Variants in SNTG2 observed in about 807,000 individuals in gnomAD.
SNTG2 encodes gamma-2-syntrophin.
In SNTG2, 74 loss-of-function variants were observed where a neutral mutation model predicts 70.9. The ratio of observed to expected loss-of-function variants is 1.04; its 90% CI spans 0.86 to 1.27. SNTG2 has a LOEUF of 1.27. Ranked by LOEUF, SNTG2 falls within the 50% of genes most tolerant of loss-of-function variation. The pLI is 0.00. For synonymous variants in SNTG2, 278 were observed against 273.8 expected (o/e 1.02, Z -0.15); for missense variants, 717 against 690.7 (o/e 1.04, Z -0.43).
intron 14 of SNTG2, among the ~76,000 whole-genome samples, chr2:1,307,435 C>CTGTGTG (rs35500323): frequency 7.5e-4 from 104 of 138,704 alleles, no homozygotes; most frequent in African/African-American, 2.7e-3. Flanking sequence ...GAGCCGTGTA[C>CTGTGTG]TGTGTGTGTG....
intron 16 of SNTG2, among the ~76,000 whole-genome samples, chr2:1,342,017 A>T (rs911368242): frequency 4.6e-5 from 7 of 151,794 alleles, no homozygotes; most frequent in African/African-American, 1.7e-4. Flanking sequence ...AGCCTGTTTT[A>T]TTTTCTTTTA....
chr2:1,187,567 A>G (rs904085488), intron 8 of SNTG2, among the ~76,000 whole-genome samples: 6 of 152,136 alleles, frequency 3.9e-5, no homozygotes, highest in African/African-American at 9.7e-5. Flanking sequence ...TTATCTCTCT[A>G]CACACACAAA....
intron 1 of SNTG2, among the ~76,000 whole-genome samples, chr2:985,926 A>C (rs1661298039): frequency 1.3e-5 from 2 of 152,162 alleles, no homozygotes; most frequent in Admixed American, 6.6e-5. Flanking sequence ...TGTGGAAGAA[A>C]AGTACTGTGT....
intron 2 of SNTG2, among the ~76,000 whole-genome samples, chr2:1,095,581 A>G (rs937399231): frequency 3.3e-5 from 5 of 152,010 alleles, no homozygotes; most frequent in Admixed American, 1.3e-4. Flanking sequence ...CAGTTTCTTG[A>G]TATTTTCTTT....
At chr2:1,208,249 GT>G (rs1673781429) in intron 8 of SNTG2, among the ~76,000 whole-genome samples, 1 of 151,666 alleles carries the variant, frequency 6.6e-6, no homozygotes, top group Non-Finnish European at 1.5e-5. Flanking sequence ...GGGCACACCT[GT>G]GAGTGTGAGG....
intron 14 of SNTG2, among the ~76,000 whole-genome samples, chr2:1,291,367 T>C (rs942112891): frequency 1.3e-5 from 2 of 152,206 alleles, no homozygotes; most frequent in African/African-American, 2.4e-5. Flanking sequence ...TTATTCTGTT[T>C]GTCTATTTTT....
chr2:995,391 C>CTTT (rs1436882101), intron 1 of SNTG2, among the ~76,000 whole-genome samples: 3 of 151,952 alleles, frequency 2.0e-5, no homozygotes, highest in East Asian at 3.9e-4. Flanking sequence ...GATGTTAAAC[C>CTTT]AACCTTGAAT....
intron 1 of SNTG2, among the ~76,000 whole-genome samples, chr2:998,581 C>T (rs1056764642): frequency 5.9e-5 from 9 of 151,594 alleles, no homozygotes; most frequent in Admixed American, 2.6e-4. Context: ...GAAGATCAGT[C>T]TTTCAAATTA....
intron 1 of SNTG2, among the ~76,000 whole-genome samples, chr2:967,465 G>C (rs1660604456): frequency 3.3e-5 from 5 of 152,106 alleles, no homozygotes; most frequent in Admixed American, 3.3e-4. Context: ...ATCTATTGTG[G>C]TAATAGTGTT....
intron 9 of SNTG2, among the ~76,000 whole-genome samples, chr2:1,229,689 A>G (rs1258530518): frequency 1.3e-5 from 2 of 152,086 alleles, no homozygotes; most frequent in Non-Finnish European, 2.9e-5. Context: ...ACAGGAGCCA[A>G]TGGAGGGGGT....
intron 1 of SNTG2, among the ~76,000 whole-genome samples, chr2:990,289 G>A (rs531942905): frequency 9.8e-5 from 15 of 152,316 alleles, no homozygotes; most frequent in African/African-American, 3.6e-4. Context: ...CTAATCAGAG[G>A]AGGAGCTCCA....
intron 1 of SNTG2, among the ~76,000 whole-genome samples, chr2:1,014,467 G>A (rs1262677561): frequency 6.6e-5 from 6 of 91,370 alleles, no homozygotes; most frequent in East Asian, 2.3e-4. Flanking sequence ...TCTGTAGAGG[G>A]ATTTATAAGG....
chr2:1,242,000 CT>C (rs1176859733), intron 11 of SNTG2, among the ~76,000 whole-genome samples: 1 of 151,998 alleles, frequency 6.6e-6, no homozygotes, highest in Admixed American at 6.6e-5. Flanking sequence ...ATTTAAGGTC[CT>C]TTTTACAACC....
chr2:967,713 G>C (rs1245318920), intron 1 of SNTG2, among the ~76,000 whole-genome samples: 1 of 152,076 alleles, frequency 6.6e-6, no homozygotes, highest in Non-Finnish European at 1.5e-5. Flanking sequence ...GTGTAATCCT[G>C]GCCTGTCCAT....
intron 1 of SNTG2, among the ~76,000 whole-genome samples, chr2:1,015,279 G>C (rs1572223651): frequency 6.6e-6 from 1 of 150,824 alleles, no homozygotes; most frequent in Non-Finnish European, 1.5e-5. Flanking sequence ...TCTAGTTAAA[G>C]GCTTGATAGA....
At chr2:1,076,139 T>A (rs1167575054) in intron 1 of SNTG2, among the ~76,000 whole-genome samples, 1 of 152,348 alleles carries the variant, frequency 6.6e-6, no homozygotes, top group Admixed American at 6.5e-5. Flanking sequence ...AGTATACAGA[T>A]GTATTTCCAT....
chr2:1,315,916 T>C (rs1681254535), intron 15 of SNTG2, among the ~76,000 whole-genome samples: 1 of 152,110 alleles, frequency 6.6e-6, no homozygotes, highest in African/African-American at 2.4e-5. Context: ...ACAATGCTCA[T>C]AGGATGTTTT....
intron 4 of SNTG2, among the ~76,000 whole-genome samples, chr2:1,109,832 C>A (rs759058009): frequency 5.3e-5 from 8 of 152,144 alleles, no homozygotes; most frequent in Non-Finnish European, 8.8e-5. Context: ...ACAAATGGGA[C>A]AATTAGAAAA....
chr2:1,357,853 T>A (rs781669056), intron 16 of SNTG2, among the ~76,000 whole-genome samples: 4 of 152,142 alleles, frequency 2.6e-5, no homozygotes, highest in African/African-American at 4.8e-5. Context: ...TGGCATCATT[T>A]ATGTCTTCTC....
Sources: allele counts gnomAD v4.1 joint callset (sites outside exome capture counted in the v4.1 genomes callset), GRCh38; gene constraint gnomAD v4.1.1; transcripts MANE v1.5; gene names NCBI Gene and HGNC (gene_info 2026-07-23, HGNC 2026-07-21).